HIVEP1: variants seen among roughly 807,000 people sequenced by gnomAD.
The protein encoded by HIVEP1 is zinc finger protein 40.
A neutral mutation model predicts 180.0 loss-of-function variants in HIVEP1; 36 were observed. The ratio of observed to expected loss-of-function variants is 0.20; its 90% CI spans 0.15 to 0.26. The LOEUF is 0.26. HIVEP1 is among the 10% of genes least tolerant of loss of function. The pLI, the probability that HIVEP1 is intolerant of heterozygous loss-of-function variation, is 1.00. For synonymous variants in HIVEP1, 1,239 were observed against 1,239.0 expected, an observed-to-expected ratio of 1.00 and a Z score of 0.00; for missense variants, 3,143 against 3,268.7, an observed-to-expected ratio of 0.96 and a Z score of 0.94.
intron 2 of HIVEP1, among the ~76,000 whole-genome samples, chr6:12,043,974 A>G (rs1358602547): frequency 1.4e-5 from 2 of 144,174 alleles, no homozygotes; most frequent in Non-Finnish European, 3.1e-5. Flanking sequence ...GGAGGAGTAT[A>G]TGGAGAATTG....
At chr6:12,029,922 T>C (rs955326056) in intron 2 of HIVEP1, among the ~76,000 whole-genome samples, 1 of 152,340 alleles carries the variant, frequency 6.6e-6, no homozygotes, top group Admixed American at 6.5e-5. Context: ...CAGGTTATCA[T>C]CCTGTACCAC....
intron 2 of HIVEP1, among the ~76,000 whole-genome samples, chr6:12,025,981 A>G (rs890752523): frequency 6.6e-6 from 1 of 152,090 alleles, no homozygotes; most frequent in Non-Finnish European, 1.5e-5. Flanking sequence ...CAGAGTTTGC[A>G]GTGAGCTAAG....
At chr6:12,196,648 A>C in the HIVEP1 span, among the ~76,000 whole-genome samples, 2 of 152,018 alleles carry the variant, frequency 1.3e-5, no homozygotes, top group Non-Finnish European at 2.9e-5. Flanking sequence ...TCCCATCATC[A>C]TTTGCGACCC....
At chr6:12,167,730 A>ACATATC (rs149208442), downstream of HIVEP1, among the ~76,000 whole-genome samples, 25,516 of 115,056 alleles carry the variant, frequency 0.22, 3,275 homozygotes, top group East Asian at 0.48. Context: ...ATATACATAT[A>ACATATC]TACATGTGTA....
the HIVEP1 span, among the ~76,000 whole-genome samples, chr6:12,196,812 A>G: frequency 2.6e-5 from 4 of 152,348 alleles, no homozygotes; most frequent in African/African-American, 7.2e-5. Context: ...GGCATGTCAC[A>G]TTCCATTTAT....
At chr6:12,080,881 T>C (rs1259171853) in intron 2 of HIVEP1, among the ~76,000 whole-genome samples, 1 of 152,150 alleles carries the variant, frequency 6.6e-6, no homozygotes, top group Non-Finnish European at 1.5e-5. Context: ...CATTTAACTT[T>C]TATCTCTACT....
At chr6:12,183,129 T>C in the HIVEP1 span, among the ~76,000 whole-genome samples, 3 of 152,178 alleles carry the variant, frequency 2.0e-5, no homozygotes, top group Non-Finnish European at 4.4e-5. Context: ...GAAAAATGAT[T>C]TTTTTTAATT....
chr6:12,038,827 A>G (rs1769480091), intron 2 of HIVEP1: 7 of 152,212 alleles, frequency 4.6e-5, no homozygotes, highest in South Asian at 2.1e-4. Flanking sequence ...AAATTAATAA[A>G]TAGAGTTTTG....
chr6:12,030,726 A>G (rs1411211000), intron 2 of HIVEP1, among the ~76,000 whole-genome samples: 2 of 152,212 alleles, frequency 1.3e-5, no homozygotes, highest in African/African-American at 4.8e-5. Flanking sequence ...CTTTGAACAT[A>G]TAATAGCTAC....
At position 12,120,809 on chromosome 6, in the gene HIVEP1, A is replaced by G; in HGVS notation, c.1014A>G (p.Ser338=). 1 of 1,614,148 alleles carries G rather than the reference A, an allele frequency of 6.2e-7. No individual in the cohort carries two copies. The highest frequency in any genetic ancestry group is 1.1e-5 in the South Asian group (1 of 91,082). Reference sequence around the variant, plus strand: ...TGACATCATCTGTAGGCCTAACTTCACCTTCCAGTAGATCTCAGGTTACTC... The same window carrying G: ...TGACATCATCTGTAGGCCTAACTTCGCCTTCCAGTAGATCTCAGGTTACTC... The part of the protein sequence containing the change: ...IAVTSSVGLT[S]PSSRSQVTPQ... Residue 338 remains serine, a synonymous_variant, in exon 4 of 9, where the codon TCA becomes TCG. Coordinates refer to ENST00000379388, the MANE Select transcript of HIVEP1 (RefSeq NM_002114.4).
chr6:12,108,555 G>A (rs994371672), intron 3 of HIVEP1, among the ~76,000 whole-genome samples: 9 of 152,192 alleles, frequency 5.9e-5, no homozygotes, highest in South Asian at 2.1e-4. Flanking sequence ...GCTAATGCCC[G>A]GCGAGAAATC....
At chr6:12,103,409 T>C (rs1645413173) in intron 3 of HIVEP1, among the ~76,000 whole-genome samples, 1 of 152,122 alleles carries the variant, frequency 6.6e-6, no homozygotes, top group African/African-American at 2.4e-5. Flanking sequence ...ACCTAGACCC[T>C]GGCTTCCCTG....
At chr6:12,194,717 A>G in the HIVEP1 span, among the ~76,000 whole-genome samples, 2 of 152,154 alleles carry the variant, frequency 1.3e-5, no homozygotes, top group East Asian at 1.9e-4. Flanking sequence ...TGGGAGAATC[A>G]CTTGAACCTG....
intron 2 of HIVEP1, among the ~76,000 whole-genome samples, chr6:12,050,649 C>T (rs1213366602): frequency 6.6e-6 from 1 of 151,998 alleles, no homozygotes; most frequent in Non-Finnish European, 1.5e-5. Context: ...ATCCTCTCCT[C>T]AAGAATCATA....
Position 12,135,836 on chromosome 6 carries a change from G to A in HIVEP1, c.6431G>A (p.Cys2144Tyr). The change falls in exon 7 of 9, where the codon TGT (cysteine) becomes TAT (tyrosine). Residue 2144 changes from cysteine (C) to tyrosine (Y), a missense_variant. Around this residue, in one of 12 missense-constraint regions of HIVEP1, gnomAD observed 126 missense variants for 168.5 expected, o/e 0.75. Transcript: ENST00000379388. ...AAGTCCAAGGCACATAGCAAGAAAT[G>A]TGTGGATTTAGGCGTCTCAGTAGGT... ...HMKSKAHSKK[C>Y]VDLGVSVGLI... 1 of 1,613,044 alleles carries A rather than the reference G, an allele frequency of 6.2e-7. No individual in the cohort carries two copies. Among genetic ancestry groups the A allele is most frequent in the African/African-American group, 1.3e-5 (1 of 75,036 alleles).
chr6:12,204,764 C>G, the HIVEP1 span, among the ~76,000 whole-genome samples: 1 of 152,200 alleles, frequency 6.6e-6, no homozygotes, highest in African/African-American at 2.4e-5. Flanking sequence ...TCATGAGTGT[C>G]CAATTACTTG....
chr6:12,061,966 A>G (rs1771265629), intron 2 of HIVEP1, among the ~76,000 whole-genome samples: 1 of 152,202 alleles, frequency 6.6e-6, no homozygotes, highest in Non-Finnish European at 1.5e-5. Context: ...CCAAGTATTA[A>G]TATTGTTTTA....
rs747490045 is a variant in HIVEP1 at position 12,123,219 on chromosome 6, C to T, written c.3424C>T (p.Leu1142=). 6.2e-7 allele frequency: 1 copy of T among 1,614,086 alleles called. No homozygotes were observed. The highest frequency in any genetic ancestry group is 8.5e-7 in the Non-Finnish European group (1 of 1,180,040). The change falls in exon 4 of 9, where the codon CTG becomes TTG. Residue 1142 remains leucine (L), a synonymous_variant. Coordinates refer to ENST00000379388, the MANE Select transcript of HIVEP1 (RefSeq NM_002114.4). The part of the protein sequence containing the change: ...GISVIQHTNS[L]SRPNSFDKPE... ...CTCTGTCATCCAGCACACCAACTCC[C>T]TGAGCAGGCCCAACTCATTTGACAA...
At position 12,124,966 on chromosome 6, in the gene HIVEP1, C is replaced by T; in HGVS notation, c.5171C>T (p.Pro1724Leu). Residue 1724 changes from proline to leucine, a missense_variant, in exon 4 of 9, where the codon CCC becomes CTC. Pro to Leu is a moderately conservative substitution (Grantham distance 98). Coordinates refer to ENST00000379388, the MANE Select transcript of HIVEP1 (RefSeq NM_002114.4). ...AATTCTTCTCTATCAGAATCCTTGC[C>T]CATAACTCAGAAAATATCTGTTGGT... ...SQNSSLSESLPITQKISVGRL... is the reference protein window; with the variant it reads ...SQNSSLSESLLITQKISVGRL... 3.1e-6 allele frequency: 5 copies of T among 1,614,064 alleles called. No homozygotes were observed. In the South Asian group the frequency reaches 3.3e-5, roughly 11 times the overall value.
Sources: allele counts gnomAD v4.1 joint callset (sites outside exome capture counted in the v4.1 genomes callset), GRCh38; gene constraint gnomAD v4.1.1; regional missense constraint gnomAD v4.1.1; transcripts MANE v1.5; gene names NCBI Gene and HGNC (gene_info 2026-07-23, HGNC 2026-07-21).